CRADD: variants seen among roughly 807,000 people sequenced by gnomAD.
CRADD encodes the protein death domain-containing protein CRADD.
Under a neutral mutation model 15.5 loss-of-function variants are expected in CRADD, and 9 were observed. That is an observed-to-expected ratio of 0.58 (90% confidence interval 0.35 to 1.01). The LOEUF (loss-of-function observed/expected upper bound fraction) is 1.01, where lower values mean the gene tolerates loss of function less well. CRADD is among the 50% of genes least tolerant of loss of function. The pLI is 0.02. For missense variants in CRADD, 227 were observed against 250.3 expected (o/e 0.91, Z 0.63); for synonymous variants, 118 against 107.6 (o/e 1.10, Z -0.60).
intron 2 of CRADD, chr12:93,816,135 C>T (rs1388734471): frequency 6.6e-6 from 1 of 152,126 alleles, no homozygotes; most frequent in African/African-American, 2.4e-5. Context: ...TTATTTAACC[C>T]AGTATATTCA....
intron 2 of CRADD, among the ~76,000 whole-genome samples, chr12:93,752,027 T>C (rs1303379138): frequency 1.3e-5 from 2 of 152,234 alleles, no homozygotes; most frequent in South Asian, 2.1e-4. Flanking sequence ...CTACCTGCAG[T>C]GTACTTGAGA....
chr12:93,754,086 T>A (rs1216251881), intron 2 of CRADD, among the ~76,000 whole-genome samples: 1 of 152,220 alleles, frequency 6.6e-6, no homozygotes, highest in Non-Finnish European at 1.5e-5. Context: ...TTCCCAAACC[T>A]CAATTCTTGT....
intron 2 of CRADD, among the ~76,000 whole-genome samples, chr12:93,878,550 G>C (rs1958473091): frequency 6.6e-6 from 1 of 152,126 alleles, no homozygotes; most frequent in African/African-American, 2.4e-5. Flanking sequence ...GCCTTGTTCA[G>C]CACTAGGATT....
At chr12:93,791,142 G>A (rs548631820) in intron 2 of CRADD, among the ~76,000 whole-genome samples, 92 of 152,112 alleles carry the variant, frequency 6.0e-4, no homozygotes, top group Admixed American at 4.5e-3. Flanking sequence ...TGGAACTATC[G>A]TATGATCAAG....
intron 2 of CRADD, among the ~76,000 whole-genome samples, chr12:93,707,168 G>A (rs1450041902): frequency 1.3e-5 from 2 of 152,324 alleles, no homozygotes; most frequent in African/African-American, 2.4e-5. Context: ...GACTGTGTCC[G>A]TCTGTCAATT....
At chr12:93,800,581 GCTCT>G (rs144608445) in intron 2 of CRADD, among the ~76,000 whole-genome samples, 15 of 148,714 alleles carry the variant, frequency 1.0e-4, no homozygotes, top group African/African-American at 2.9e-4. Context: ...ACTTACTCCT[GCTCT>G]CTCTCTCTCT....
chr12:93,703,617 C>T (rs1043147399), intron 2 of CRADD, among the ~76,000 whole-genome samples: 1 of 152,076 alleles, frequency 6.6e-6, no homozygotes, highest in Non-Finnish European at 1.5e-5. Flanking sequence ...CCACCTCAGC[C>T]TCCCAAAGTG....
intron 2 of CRADD, among the ~76,000 whole-genome samples, chr12:93,877,076 C>T (rs547374775): frequency 9.2e-4 from 140 of 152,342 alleles, no homozygotes; most frequent in South Asian, 3.9e-3. Flanking sequence ...CATAGAAGTA[C>T]TGCCTTGATG....
chr12:93,868,685 T>C (rs1958391921), intron 2 of CRADD, among the ~76,000 whole-genome samples: 1 of 143,546 alleles, frequency 7.0e-6, no homozygotes, highest in African/African-American at 2.8e-5. Context: ...CTCTCTCTCT[T>C]GCACACACAC....
chr12:93,706,251 C>A (rs1288069351), intron 2 of CRADD, among the ~76,000 whole-genome samples: 1 of 152,142 alleles, frequency 6.6e-6, no homozygotes, highest in Admixed American at 6.5e-5. Context: ...CATTGCCATG[C>A]CCTTAGCTTT....
chr12:93,839,125 A>AT (rs1958018549), intron 2 of CRADD, among the ~76,000 whole-genome samples: 1 of 151,834 alleles, frequency 6.6e-6, no homozygotes, highest in South Asian at 2.1e-4. Flanking sequence ...TTTTCCTTAC[A>AT]TTTTTTGCTC....
At chr12:93,831,828 A>G (rs1046963119) in intron 2 of CRADD, among the ~76,000 whole-genome samples, 3 of 152,210 alleles carry the variant, frequency 2.0e-5, no homozygotes, top group African/African-American at 7.2e-5. Flanking sequence ...CAGTCAGGTC[A>G]CTGATTTGGA....
At chr12:93,840,992 A>C (rs889171599) in intron 2 of CRADD, among the ~76,000 whole-genome samples, 1 of 152,210 alleles carries the variant, frequency 6.6e-6, no homozygotes, top group African/African-American at 2.4e-5. Flanking sequence ...TAACCAAATT[A>C]AGAAAGTTTC....
At chr12:93,851,054 G>A (rs531198598), downstream of CRADD, among the ~76,000 whole-genome samples, 1 of 152,330 alleles carries the variant, frequency 6.6e-6, no homozygotes, top group South Asian at 2.1e-4. Context: ...GTCAGGGGAC[G>A]AGAGGGGGTG....
At chr12:93,803,697 G>A (rs34509552) in intron 2 of CRADD, among the ~76,000 whole-genome samples, 35,794 of 151,336 alleles carry the variant, frequency 0.24, 4,795 homozygotes, top group East Asian at 0.54. Flanking sequence ...CTCATCTGTG[G>A]TAGGCAGACT....
intron 2 of CRADD, among the ~76,000 whole-genome samples, chr12:93,887,692 A>C (rs946522516): frequency 2.0e-5 from 3 of 152,244 alleles, no homozygotes; most frequent in African/African-American, 7.2e-5. Flanking sequence ...TTCTACTAAA[A>C]GGCAACTCAT....
Position 93,845,669 on chromosome 12 carries a change from A to G in CRADD, c.299-4301A>G, listed in dbSNP as rs147059895. On this transcript the variant is annotated intron_variant, in intron 2 of 2. Transcript: ENST00000332896. Reference sequence around the variant, plus strand: ...AGAAAACCCAGTCCTAGAAAACTCAACCTCACAAGTATTTTATGCTATAGA... The same window carrying G: ...AGAAAACCCAGTCCTAGAAAACTCAGCCTCACAAGTATTTTATGCTATAGA... Among the ~76,000 whole-genome samples the G allele has an allele frequency of 3.1e-4, 47 of 152,232 alleles. No homozygotes were observed. The East Asian group carries it at 8.9e-3, about 29-fold the overall frequency.
intron 2 of CRADD, among the ~76,000 whole-genome samples, chr12:93,891,417 GC>G (rs1386945930): frequency 6.6e-6 from 1 of 152,196 alleles, no homozygotes; most frequent in African/African-American, 2.4e-5. Context: ...AACCCTGGAG[GC>G]AGAGGTTGCA....
intron 2 of CRADD, among the ~76,000 whole-genome samples, chr12:93,758,005 C>T (rs1407432339): frequency 6.6e-6 from 1 of 152,208 alleles, no homozygotes; most frequent in Non-Finnish European, 1.5e-5. Context: ...GCACAGGACC[C>T]TGTGTCAGAT....
Sources: allele counts gnomAD v4.1 joint callset (sites outside exome capture counted in the v4.1 genomes callset), GRCh38; gene constraint gnomAD v4.1.1; transcripts MANE v1.5; gene names NCBI Gene and HGNC (gene_info 2026-07-23, HGNC 2026-07-21).